HIBADH: variants seen among roughly 807,000 people sequenced by gnomAD.
HIBADH encodes 3-hydroxyisobutyrate dehydrogenase, also known as 3-hydroxyisobutyrate dehydrogenase, mitochondrial.
HIBADH carries 25 observed loss-of-function variants against 36.1 expected under a neutral mutation model. The ratio of observed to expected loss-of-function variants is 0.69; its 90% CI spans 0.50 to 0.97. The LOEUF (loss-of-function observed/expected upper bound fraction) is 0.97, where lower values mean the gene tolerates loss of function less well. HIBADH is among the 50% of genes least tolerant of loss of function. The pLI is 0.00. For synonymous variants in HIBADH, 160 were observed against 149.5 expected (o/e 1.07, Z -0.51); for missense variants, 421 against 418.0 (o/e 1.01, Z -0.06).
intron 4 of HIBADH, among the ~76,000 whole-genome samples, chr7:27,545,147 A>G (rs919586711): frequency 1.3e-5 from 2 of 152,234 alleles, no homozygotes; most frequent in East Asian, 3.8e-4. Flanking sequence ...CCCACAGCCA[A>G]AGACCTAAAT....
chr7:27,634,081 T>C (rs535800103), intron 2 of HIBADH, among the ~76,000 whole-genome samples: 2 of 152,350 alleles, frequency 1.3e-5, no homozygotes, highest in East Asian at 1.9e-4. Context: ...AGGATAAATG[T>C]AGCTTTAACA....
chr7:27,564,778 C>G (rs1272011753), intron 4 of HIBADH, among the ~76,000 whole-genome samples: 2 of 152,182 alleles, frequency 1.3e-5, no homozygotes, highest in Non-Finnish European at 2.9e-5. Flanking sequence ...CAGTACACTT[C>G]ATTTATTTAG....
At chr7:27,577,569 T>C (rs997610897) in intron 4 of HIBADH, among the ~76,000 whole-genome samples, 9 of 152,246 alleles carry the variant, frequency 5.9e-5, no homozygotes, top group Admixed American at 2.6e-4. Context: ...TCCATAAATA[T>C]ATTTGTTTTT....
chr7:27,566,044 T>G (rs532502521), intron 4 of HIBADH, among the ~76,000 whole-genome samples: 1 of 152,292 alleles, frequency 6.6e-6, no homozygotes, highest in Admixed American at 6.5e-5. Context: ...ATTGTTCTTT[T>G]TATGTATTGC....
intron 4 of HIBADH, among the ~76,000 whole-genome samples, chr7:27,595,256 C>A (rs560842352): frequency 6.6e-6 from 1 of 152,336 alleles, no homozygotes; most frequent in East Asian, 1.9e-4. Flanking sequence ...GTGGCTCACA[C>A]CTATAATCCC....
rs938082226 is a variant in HIBADH at position 27,542,915 on chromosome 7, C to T, written c.618+52G>A. 5.1e-6 allele frequency: 8 copies of T among 1,561,220 alleles called. No individual in the cohort carries two copies. The Admixed American group carries it at 5.4e-5, about 11-fold the overall frequency. On this transcript the variant is annotated intron_variant, in intron 5 of 7. Transcript: ENST00000265395. Reference sequence around the variant, plus strand: ...AATATGGTCAGGAAAGAGAAAGGAACATTAGTCAATTTTACATCATCAAGT... The same window carrying T: ...AATATGGTCAGGAAAGAGAAAGGAATATTAGTCAATTTTACATCATCAAGT...
At chr7:27,564,074 A>G (rs923523535) in intron 4 of HIBADH, among the ~76,000 whole-genome samples, 11 of 151,634 alleles carry the variant, frequency 7.3e-5, no homozygotes, top group Non-Finnish European at 1.0e-4. Context: ...AATTTTTTGT[A>G]TTTTTAGTAG....
chr7:27,602,218 G>C (rs1785142034), intron 4 of HIBADH, among the ~76,000 whole-genome samples: 1 of 150,344 alleles, frequency 6.7e-6, no homozygotes, highest in African/African-American at 2.4e-5. Context: ...GATGCTATAA[G>C]GATGAAATGT....
chr7:27,635,110 G>GTGTGTGT (rs1251848686), intron 2 of HIBADH, among the ~76,000 whole-genome samples: 1 of 151,798 alleles, frequency 6.6e-6, no homozygotes, highest in African/African-American at 2.4e-5. Context: ...GTGTGTGTGT[G>GTGTGTGT]TATTTGGTAC....
At chr7:27,653,098 C>T (rs1437659903) in intron 1 of HIBADH, among the ~76,000 whole-genome samples, 1 of 151,986 alleles carries the variant, frequency 6.6e-6, no homozygotes, top group Non-Finnish European at 1.5e-5. Flanking sequence ...CACTGCACTC[C>T]AGCCTGGGTG....
intron 2 of HIBADH, among the ~76,000 whole-genome samples, chr7:27,645,293 T>C (rs182988467): frequency 9.2e-4 from 139 of 151,716 alleles, no homozygotes; most frequent in African/African-American, 3.0e-3. Flanking sequence ...GGGCTCCAAC[T>C]TTTCTACAAC....
intron 4 of HIBADH, among the ~76,000 whole-genome samples, chr7:27,589,006 A>G (rs1784903740): frequency 6.6e-6 from 1 of 152,228 alleles, no homozygotes; most frequent in Admixed American, 6.5e-5. Context: ...TATTTCACTC[A>G]AGTATGTGAA....
At chr7:27,594,884 T>C (rs1450885514) in intron 4 of HIBADH, among the ~76,000 whole-genome samples, 1 of 152,134 alleles carries the variant, frequency 6.6e-6, no homozygotes, top group East Asian at 1.9e-4. Flanking sequence ...AAATATATTT[T>C]TAAAAGAAAA....
At chr7:27,646,922 C>T (rs542029803) in intron 2 of HIBADH, among the ~76,000 whole-genome samples, 2 of 152,188 alleles carry the variant, frequency 1.3e-5, no homozygotes, top group Non-Finnish European at 2.9e-5. Context: ...TCTTGAACTC[C>T]TGGCCTCAGG....
intron 4 of HIBADH, among the ~76,000 whole-genome samples, chr7:27,587,963 G>A (rs762524315): frequency 6.6e-6 from 1 of 152,152 alleles, no homozygotes; most frequent in Non-Finnish European, 1.5e-5. Flanking sequence ...AAGAGAAAGG[G>A]AATAAGTAAT....
rs530638905 is a variant in HIBADH, at chr7:27,608,954, A to G, written c.484+20417T>C. 4.3e-4 allele frequency among the ~76,000 whole-genome samples: 66 copies of G among 152,362 alleles called. No individual in the cohort carries two copies. In the South Asian group the frequency reaches 5.4e-3, roughly 12 times the overall value. On this transcript the variant is annotated intron_variant, in intron 4 of 7. Coordinates refer to ENST00000265395, the MANE Select transcript of HIBADH (RefSeq NM_152740.4). Reference sequence around the variant, plus strand: ...ACAGGTTCCCCCTCTACCACAGAATAGAGCCTGGCAAGAACAGCTGGTGTC... The same window carrying G: ...ACAGGTTCCCCCTCTACCACAGAATGGAGCCTGGCAAGAACAGCTGGTGTC...
At chr7:27,658,587 GCTT>G (rs1199510005) in intron 1 of HIBADH, among the ~76,000 whole-genome samples, 6 of 152,032 alleles carry the variant, frequency 3.9e-5, no homozygotes, top group African/African-American at 1.5e-4. Flanking sequence ...CATTTCTGAG[GCTT>G]CTTTTCTATT....
chr7:27,646,009 T>G (rs2128296544), intron 2 of HIBADH, among the ~76,000 whole-genome samples: 1 of 152,328 alleles, frequency 6.6e-6, no homozygotes, highest in Non-Finnish European at 1.5e-5. Flanking sequence ...TGGTGTCATA[T>G]CTAAGAATCC....
intron 1 of HIBADH, among the ~76,000 whole-genome samples, chr7:27,653,311 G>A (rs2128297493): frequency 6.6e-6 from 1 of 152,244 alleles, no homozygotes; most frequent in East Asian, 1.9e-4. Flanking sequence ...ATAAGGGTGA[G>A]GTCCAAAATG....
Sources: gnomAD v4.1 joint callset for allele counts (sites outside exome capture counted in the v4.1 genomes callset) on GRCh38, gnomAD v4.1.1 for gene constraint, MANE v1.5 for transcripts, NCBI Gene and HGNC (gene_info 2026-07-23, HGNC 2026-07-21) for gene names.